The following NAT9 variants were observed in gnomAD, a reference collection of about 807,000 sequenced individuals.
NAT9 encodes N-acetyltransferase 9.
Under a neutral mutation model 24.0 loss-of-function variants are expected in NAT9, and 18 were observed. The ratio of observed to expected loss-of-function variants is 0.75; its 90% CI spans 0.52 to 1.11. The LOEUF (loss-of-function observed/expected upper bound fraction) is 1.11, where lower values mean the gene tolerates loss of function less well. Ranked by LOEUF, NAT9 falls within the 50% of genes most tolerant of loss-of-function variation. The pLI is 0.00. For missense variants in NAT9, 254 were observed against 258.6 expected, an observed-to-expected ratio of 0.98 and a Z score of 0.12; for synonymous variants, 104 against 102.3, an observed-to-expected ratio of 1.02 and a Z score of -0.10.
At position 74,771,855 on chromosome 17, in the gene NAT9, C is replaced by T. The variant is rs759472680; in HGVS notation, c.493G>A (p.Ala165Thr). Residue 165 changes from alanine (A) to threonine (T), a missense_variant, in exon 7 of 7, where the codon GCT becomes ACT. Transcript: ENST00000357814. The part of the protein sequence containing the change: ...MFQKLHFEQV[A>T]TSSVFQEVTL... ...ACCTCCTGAAAAACACTGCTCGTAG[C>T]CACCTACGTGAGCCAGAGAGAACAA... 2.0e-5 allele frequency: 33 copies of T among 1,614,086 alleles called. No individual in the cohort carries two copies. The South Asian group carries it at 2.6e-4, about 13-fold the overall frequency.
intron 3 of NAT9, 66 bp from the exon 4 acceptor site, chr17:74,773,105 T>TA: frequency 6.4e-7 from 1 of 1,566,040 alleles, no homozygotes; most frequent in Non-Finnish European, 8.7e-7. Flanking sequence ...ATGGTACTCC[T>TA]ACCCAAGCCA....
chr17:74,772,648 C>T (rs1379053590), intron 4 of NAT9: 19 of 1,263,124 alleles, frequency 1.5e-5, no homozygotes, highest in Non-Finnish European at 2.0e-5. Context: ...TGGGACTAAC[C>T]ATACTTGAAT....
chr17:74,771,557 C>CA lies in NAT9; in HGVS notation c.*166dup. 9.0e-7 allele frequency: 1 copy of CA among 1,112,152 alleles called. No homozygotes were observed. The highest frequency in any genetic ancestry group is 1.6e-5 in the South Asian group (1 of 64,232). The allele number at this position is 1,112,152 out of a possible 1,614,324, so 68.9% of individuals were successfully genotyped here. On this transcript the variant is annotated 3_prime_UTR_variant, in exon 7 of 7. Transcript: ENST00000357814. Reference sequence around the variant, plus strand: ...GGCCCTGGAGTCTGCTCAGCCACACCACTAGCTGGAGGGAGGCCACAGCAA... The same window carrying CA: ...GGCCCTGGAGTCTGCTCAGCCACACCAACTAGCTGGAGGGAGGCCACAGCAA...
rs1474250152 is a variant in NAT9 at position 74,772,918 on chromosome 17, C to T, written c.312G>A (p.Gly104=). 1 of 1,614,170 alleles carries T rather than the reference C, an allele frequency of 6.2e-7. No homozygotes were observed. ...FLTDLEDLTL[G]EIEVMIAEPS... ...AACCTGCAATCATGACCTCGATCTC[C>T]CCCAAGGTGAGGTCTTCTAGATCTG... The change falls in exon 4 of 7, where the codon GGG becomes GGA. Residue 104 remains glycine, a synonymous_variant. Transcript: ENST00000357814.
At chr17:74,773,753 G>A (rs2035569522) in intron 2 of NAT9, 65 bp from the exon 3 acceptor site, 4 of 1,259,072 alleles carry the variant, frequency 3.2e-6, no homozygotes, top group African/African-American at 1.7e-5. Context: ...GACACCTTAT[G>A]AGGGTCCAGA....
chr17:74,773,103 C>G, intron 3 of NAT9, 64 bp from the exon 4 acceptor site: 1 of 1,566,448 alleles, frequency 6.4e-7, no homozygotes, highest in Non-Finnish European at 8.7e-7. Flanking sequence ...GGATGGTACT[C>G]CTACCCAAGC....
chr17:74,773,868 A>T, intron 2 of NAT9, 180 bp from the exon 3 acceptor site: 2 of 576,724 alleles, frequency 3.5e-6, no homozygotes, highest in Non-Finnish European at 6.3e-6. Flanking sequence ...AGTCTTACAC[A>T]AGAACAGCAG....
chr17:74,772,302 C>T, intron 4 of NAT9, 25 bp from the exon 5 acceptor site: 1 of 1,612,784 alleles, frequency 6.2e-7, no homozygotes, highest in Admixed American at 1.7e-5. Context: ...AGGAGCGGCG[C>T]TGACGCCGTG....
At chr17:74,774,013 A>G in intron 2 of NAT9, 1 of 232,162 alleles carries the variant, frequency 4.3e-6, no homozygotes, top group South Asian at 6.0e-5. Flanking sequence ...GCGGCTGGAC[A>G]GATCCCACGA....
intron 2 of NAT9, 57 bp from the exon 3 acceptor site, chr17:74,773,745 C>T (rs542610475): frequency 1.4e-6 from 2 of 1,409,812 alleles, no homozygotes; most frequent in African/African-American, 1.5e-5. Context: ...ATACGTCTGA[C>T]ACCTTATGAG....
At chr17:74,774,781 A>C (rs1289569831) in intron 2 of NAT9, among the ~76,000 whole-genome samples, 1 of 152,016 alleles carries the variant, frequency 6.6e-6, no homozygotes, top group Non-Finnish European at 1.5e-5. Flanking sequence ...CGCTCTCCTG[A>C]GCTTGTGATC....
Position 74,773,373 on chromosome 17 carries a change from G to A in NAT9, c.190+203C>T, listed in dbSNP as rs183770915. 1.1e-3 allele frequency: 684 copies of A among 598,886 alleles called. 2 individuals carry two copies. The highest frequency in any genetic ancestry group is 1.3e-3 in the Non-Finnish European group (441 of 338,924). The allele number at this position is 598,886 out of a possible 1,614,324, so 37.1% of individuals were successfully genotyped here. A position where few individuals can be genotyped will look rare whatever the true frequency, so the allele number is the denominator to read the frequency against. ...ACTTTCTCCAAATCCTTCCAAGCCC[G>A]ATGCAGTGGGTGGGGAAGAGGACAG... On this transcript the variant is annotated intron_variant, in intron 3 of 6. Transcript: ENST00000357814.
intron 4 of NAT9, chr17:74,772,674 G>C: frequency 1.7e-6 from 2 of 1,175,626 alleles, no homozygotes; most frequent in Non-Finnish European, 2.3e-6. Context: ...CCAAACCAAG[G>C]GTTAAGTTCA....
intron 2 of NAT9, among the ~76,000 whole-genome samples, chr17:74,774,849 C>CTTTATTTTATTTTAT (rs112899241): frequency 1.4e-5 from 2 of 145,882 alleles, no homozygotes; most frequent in African/African-American, 5.1e-5. Context: ...TGCGCCCAGC[C>CTTTATTTTATTTTAT]TTTATTTTAT....
chr17:74,771,670 T>A lies in NAT9; in HGVS notation c.*54A>T, dbSNP rs560516007. On this transcript the variant is annotated 3_prime_UTR_variant, in exon 7 of 7. Coordinates refer to ENST00000357814, the MANE Select transcript of NAT9 (RefSeq NM_015654.5). ...CAGTGCAGGGCTCTGGTCTTTGAAG[T>A]GTATGGGCCCAACACCCTGCTCACA... is the stretch of plus-strand genomic sequence containing the variant. 1,950 of 1,605,624 alleles carry A rather than the reference T, an allele frequency of 1.2e-3. 17 individuals are homozygous for A. Among genetic ancestry groups the A allele is most frequent in the South Asian group, 9.4e-3 (855 of 90,852 alleles).
chr17:74,775,155 GT>G, intron 2 of NAT9, among the ~76,000 whole-genome samples: 1 of 147,702 alleles, frequency 6.8e-6, no homozygotes, highest in East Asian at 2.1e-4. Context: ...GCACCCGGCC[GT>G]TTTTTTGTTT....
rs2036074542 is a variant in NAT9 at position 74,776,328 on chromosome 17, TC to T, written c.-72del. 6.6e-6 allele frequency: 1 copy of T among 152,424 alleles called. No individual in the cohort carries two copies. Among genetic ancestry groups the T allele is most frequent in the African/African-American group, 2.4e-5 (1 of 41,410 alleles). The allele number at this position is 152,424 out of a possible 1,614,324, so 9.4% of individuals were successfully genotyped here. Reference sequence around the variant, plus strand: ...ATCTACCTCCTCCAACCAGCCACGTTCCCAGGCCCGGCCGGCTACCGCCCCT... The same window carrying T: ...ATCTACCTCCTCCAACCAGCCACGTTCCAGGCCCGGCCGGCTACCGCCCCT... On this transcript the variant is annotated 5_prime_UTR_variant, in exon 1 of 7. Coordinates refer to ENST00000357814, the MANE Select transcript of NAT9 (RefSeq NM_015654.5).
chr17:74,771,608 G>A lies in NAT9; in HGVS notation c.*116C>T, dbSNP rs758645536. The A allele has an allele frequency of 1.3e-5, 20 of 1,484,532 alleles. No homozygotes were observed. The highest frequency in any genetic ancestry group is 4.2e-5 in the African/African-American group (3 of 71,960). 92.0% of individuals were successfully genotyped at this position (1,484,532 alleles called of 1,614,324 possible). A position where few individuals can be genotyped will look rare whatever the true frequency, so the allele number is the denominator to read the frequency against. ...GCCCCGCCAGAGTCTGAAGGGCCTCGAAAGGTGATTCCCAGCCTGGGCCAG... is the reference window on the plus strand; with the variant it reads ...GCCCCGCCAGAGTCTGAAGGGCCTCAAAAGGTGATTCCCAGCCTGGGCCAG... On this transcript the variant is annotated 3_prime_UTR_variant, in exon 7 of 7. Coordinates refer to ENST00000357814, the MANE Select transcript of NAT9 (RefSeq NM_015654.5).
At chr17:74,772,862 G>A (rs1178449444) in intron 4 of NAT9, 34 bp downstream of exon 4, 6 of 1,612,706 alleles carry the variant, frequency 3.7e-6, no homozygotes, top group Non-Finnish European at 5.1e-6. Context: ...TGAGAGCCGG[G>A]AGTCAGCGGA....
Sources: gnomAD v4.1 joint callset for allele counts (sites outside exome capture counted in the v4.1 genomes callset) on GRCh38, gnomAD v4.1.1 for gene constraint, MANE v1.5 for transcripts, NCBI Gene and HGNC (gene_info 2026-07-23, HGNC 2026-07-21) for gene names.